Variants in NUDT7 observed in about 807,000 individuals in gnomAD.
NUDT7 encodes the protein nudix hydrolase 7.
A neutral mutation model predicts 13.1 loss-of-function variants in NUDT7; 19 were observed. The ratio of observed to expected loss-of-function variants is 1.45; its 90% CI spans 1.01 to 2.13. The LOEUF is 2.13. NUDT7 is among the 30% of genes most tolerant of loss of function. The pLI is 0.00. For missense variants in NUDT7, 360 were observed against 291.7 expected (o/e 1.23, Z -1.71); for synonymous variants, 132 against 109.7 (o/e 1.20, Z -1.27).
At chr16:77,732,842 G>T (rs1239206873) in intron 2 of NUDT7, among the ~76,000 whole-genome samples, 1 of 152,286 alleles carries the variant, frequency 6.6e-6, no homozygotes, top group East Asian at 1.9e-4. Flanking sequence ...TGTCAAGCCT[G>T]ATGACTGCTT....
intron 2 of NUDT7, among the ~76,000 whole-genome samples, chr16:77,733,879 C>T (rs2014395775): frequency 6.6e-6 from 1 of 152,174 alleles, no homozygotes; most frequent in African/African-American, 2.4e-5. Context: ...AAATTGAGGT[C>T]ACTCTGCTGA....
chr16:77,736,736 G>A (rs988183099), intron 3 of NUDT7: 1 of 240,310 alleles, frequency 4.2e-6, no homozygotes, highest in African/African-American at 2.3e-5. Context: ...AAAGTGCTGG[G>A]ATTACAGGTG....
intron 1 of NUDT7, among the ~76,000 whole-genome samples, chr16:77,725,191 T>C (rs753959687): frequency 2.6e-5 from 4 of 152,344 alleles, no homozygotes; most frequent in African/African-American, 9.6e-5. Context: ...CCATACTTTA[T>C]GTTTCAAAGA....
At chr16:77,727,652 C>T (rs531387068) in intron 2 of NUDT7, among the ~76,000 whole-genome samples, 22 of 152,240 alleles carry the variant, frequency 1.4e-4, no homozygotes, top group Non-Finnish European at 2.4e-4. Context: ...GTCAGGAGTT[C>T]GAGACCAGTC....
intron 1 of NUDT7, among the ~76,000 whole-genome samples, chr16:77,722,945 C>G (rs1052608056): frequency 6.6e-6 from 1 of 152,176 alleles, no homozygotes; most frequent in Non-Finnish European, 1.5e-5. Context: ...AGCAGGCAGC[C>G]CCGGATTCAA....
At chr16:77,723,991 C>A (rs9939425) in intron 1 of NUDT7, among the ~76,000 whole-genome samples, 1 of 152,124 alleles carries the variant, frequency 6.6e-6, no homozygotes, top group Non-Finnish European at 1.5e-5. Flanking sequence ...TCAGCTGTTC[C>A]TTTTCTAGGG....
rs1051436050 is a variant in NUDT7, at chr16:77,735,636, G to A, written c.190-192G>A. 16 of 627,712 alleles carry A rather than the reference G, an allele frequency of 2.5e-5. No homozygotes were observed. In the African/African-American group the frequency reaches 2.7e-4, roughly 11 times the overall value. 38.9% of individuals were successfully genotyped at this position (627,712 alleles called of 1,614,324 possible). A position where few individuals can be genotyped will look rare whatever the true frequency, so the allele number is the denominator to read the frequency against. On this transcript the variant is annotated intron_variant, in intron 2 of 3. Transcript: ENST00000268533. ...CAAATAGAATAAAAGTTAGCAGTGAGAAAAATTTTCAAGGTTCATTTCTTA... is the reference window on the plus strand; with the variant it reads ...CAAATAGAATAAAAGTTAGCAGTGAAAAAAATTTTCAAGGTTCATTTCTTA...
Position 77,722,530 on chromosome 16 carries a change from A to T in NUDT7, c.-53A>T. 6.5e-7 allele frequency: 1 copy of T among 1,532,076 alleles called. No homozygotes were observed. The highest frequency in any genetic ancestry group is 8.9e-7 in the Non-Finnish European group (1 of 1,129,412). 94.9% of individuals were successfully genotyped at this position (1,532,076 alleles called of 1,614,324 possible). A position where few individuals can be genotyped will look rare whatever the true frequency, so the allele number is the denominator to read the frequency against. ...CCCAGAGCTGCTCTGCGCAAGCGCG[A>T]CCGACCGAGCAGCTCCGAGGAGTCC... On this transcript the variant is annotated 5_prime_UTR_variant, in exon 1 of 4. Transcript: ENST00000268533.
chr16:77,723,531 C>T (rs1383489279), intron 1 of NUDT7, among the ~76,000 whole-genome samples: 1 of 151,296 alleles, frequency 6.6e-6, no homozygotes, highest in Non-Finnish European at 1.5e-5. Context: ...ATTTAATCTT[C>T]TTAAATATCC....
At chr16:77,731,483 A>G (rs938612226) in intron 2 of NUDT7, among the ~76,000 whole-genome samples, 2 of 152,214 alleles carry the variant, frequency 1.3e-5, no homozygotes, top group Non-Finnish European at 2.9e-5. Context: ...TGGTGTAAAC[A>G]AACCTACTGT....
chr16:77,740,421 C>G (rs1818544492), intron 3 of NUDT7, among the ~76,000 whole-genome samples: 1 of 152,186 alleles, frequency 6.6e-6, no homozygotes, highest in African/African-American at 2.4e-5. Context: ...AATACAAAGG[C>G]AGGCAGCTCT....
intron 3 of NUDT7, chr16:77,741,340 G>C (rs969439120): frequency 2.5e-6 from 1 of 405,226 alleles, no homozygotes; most frequent in Non-Finnish European, 4.4e-6. Context: ...CATTCCAAAA[G>C]ATTGTACTAC....
At position 77,741,567 on chromosome 16, in the gene NUDT7, GT is replaced by G. The variant is rs1232053291; in HGVS notation, c.349-11del. 1.3e-6 allele frequency: 2 copies of G among 1,573,514 alleles called. No individual in the cohort carries two copies. Among genetic ancestry groups the G allele is most frequent in the African/African-American group, 1.4e-5 (1 of 73,728 alleles). ...CTTCACTTCTTAATTTGTCTGTTTT[GT>G]TTTCTGCTTTTAGACAGATACATTG... On this transcript the variant is annotated splice_polypyrimidine_tract_variant and intron_variant, in intron 3 of 3. Coordinates refer to ENST00000268533, the MANE Select transcript of NUDT7 (RefSeq NM_001105663.3).
intron 1 of NUDT7, 62 bp from the exon 2 acceptor site, chr16:77,725,369 C>T: frequency 6.8e-7 from 1 of 1,472,840 alleles, no homozygotes; most frequent in Non-Finnish European, 9.3e-7. Context: ...AGAGGCAGGA[C>T]TATAAGCTTT....
chr16:77,738,796 T>C (rs1005487858), intron 3 of NUDT7, among the ~76,000 whole-genome samples: 1 of 152,198 alleles, frequency 6.6e-6, no homozygotes, highest in Non-Finnish European at 1.5e-5. Flanking sequence ...CAGTTTTCCC[T>C]TTTGTCAGAC....
In NUDT7 at chr16:77,741,563, T is replaced by C. The variant is rs2014660624; in HGVS notation, c.349-19T>C. On this transcript the variant is annotated intron_variant, in intron 3 of 3. Transcript: ENST00000268533. ...ATCACTTCACTTCTTAATTTGTCTG[T>C]TTTGTTTTCTGCTTTTAGACAGATA... 10 of 1,570,360 alleles carry C rather than the reference T, an allele frequency of 6.4e-6. No individual in the cohort carries two copies. Among genetic ancestry groups the C allele is most frequent in the Non-Finnish European group, 8.6e-6 (10 of 1,162,276 alleles).
At chr16:77,732,319 C>T (rs986181029) in intron 2 of NUDT7, among the ~76,000 whole-genome samples, 2 of 145,548 alleles carry the variant, frequency 1.4e-5, no homozygotes, top group Middle Eastern at 3.5e-3. Context: ...CAGACGAGAA[C>T]ACGTCTCAAA....
intron 2 of NUDT7, among the ~76,000 whole-genome samples, chr16:77,732,713 T>C (rs1214308816): frequency 6.6e-6 from 1 of 152,240 alleles, no homozygotes; most frequent in Admixed American, 6.5e-5. Flanking sequence ...TTTGTGCAAG[T>C]GCACCCTGTG....
intron 2 of NUDT7, among the ~76,000 whole-genome samples, chr16:77,726,959 G>A (rs2014157407): frequency 7.9e-6 from 1 of 125,992 alleles, no homozygotes; most frequent in African/African-American, 3.3e-5. Context: ...TGGCAGAGGG[G>A]GAGCAGGAGC....
Sources: allele counts gnomAD v4.1 joint callset (sites outside exome capture counted in the v4.1 genomes callset), GRCh38; gene constraint gnomAD v4.1.1; transcripts MANE v1.5; gene names NCBI Gene and HGNC (gene_info 2026-07-23, HGNC 2026-07-21).